Variants in LSAMP observed in about 807,000 individuals in gnomAD.
The protein encoded by LSAMP is limbic system associated membrane protein.
A neutral mutation model predicts 38.6 loss-of-function variants in LSAMP; 7 were observed. That is an observed-to-expected ratio of 0.18 (90% CI 0.10 to 0.34). The LOEUF (loss-of-function observed/expected upper bound fraction) is 0.34. Ranked by LOEUF, LSAMP falls within the 10% of genes least tolerant of loss-of-function variation. LSAMP has a pLI of 1.00. For missense variants in LSAMP, 313 were observed against 420.0 expected (o/e 0.75, Z 2.23); for synonymous variants, 154 against 166.8 (o/e 0.92, Z 0.59).
Position 116,133,332 on chromosome 3 carries a change from C to T in LSAMP, c.156-46776G>A, listed in dbSNP as rs541850512. On this transcript the variant is annotated intron_variant, in intron 1 of 6. Transcript: ENST00000490035. ...TGGAGATAGGATCTCACTCTGTCAC[C>T]CAGGCTGGAGTGCAGTGGCGTGATC... Among the ~76,000 whole-genome samples the T allele has an allele frequency of 7.9e-5, 12 of 151,794 alleles. No homozygotes were observed. In the South Asian group the frequency reaches 2.5e-3, roughly 32 times the overall value.
At chr3:116,442,612 T>C (rs1228899003) in intron 1 of LSAMP, among the ~76,000 whole-genome samples, 1 of 152,144 alleles carries the variant, frequency 6.6e-6, no homozygotes, top group African/African-American at 2.4e-5. Context: ...TTAATTCTGA[T>C]GAAGCTCCAC....
At chr3:115,924,985 C>T (rs1937466176) in intron 3 of LSAMP, among the ~76,000 whole-genome samples, 1 of 152,172 alleles carries the variant, frequency 6.6e-6, no homozygotes, top group Non-Finnish European at 1.5e-5. Context: ...CCAATACCCA[C>T]TCCACAATAC....
At chr3:116,352,366 A>G (rs779336291) in intron 1 of LSAMP, among the ~76,000 whole-genome samples, 5 of 152,080 alleles carry the variant, frequency 3.3e-5, no homozygotes, top group Admixed American at 2.6e-4. Flanking sequence ...TTGCCATTCA[A>G]CCCTAACTTA....
intron 1 of LSAMP, among the ~76,000 whole-genome samples, chr3:116,298,682 G>A (rs370566940): frequency 2.7e-4 from 41 of 152,148 alleles, no homozygotes; most frequent in African/African-American, 9.9e-4. Context: ...CTAATTTCAA[G>A]GCACAGTTTC....
intron 3 of LSAMP, among the ~76,000 whole-genome samples, chr3:115,995,849 T>C (rs1939800676): frequency 6.6e-6 from 1 of 152,044 alleles, no homozygotes; most frequent in Non-Finnish European, 1.5e-5. Flanking sequence ...GAAACTTGTA[T>C]ATATTAATAT....
intron 1 of LSAMP, among the ~76,000 whole-genome samples, chr3:116,350,623 AC>A (rs980569447): frequency 7.8e-6 from 1 of 128,224 alleles, no homozygotes; most frequent in Non-Finnish European, 1.6e-5. Flanking sequence ...ATGTCAAGGA[AC>A]CTTTTTTTTT....
At chr3:116,353,914 G>A (rs1199567102) in intron 1 of LSAMP, among the ~76,000 whole-genome samples, 1 of 152,074 alleles carries the variant, frequency 6.6e-6, no homozygotes, top group Non-Finnish European at 1.5e-5. Context: ...TTGTAGGAGA[G>A]CTTCTAAGAT....
intron 2 of LSAMP, among the ~76,000 whole-genome samples, chr3:116,058,450 T>C (rs1941530977): frequency 1.4e-5 from 2 of 139,154 alleles, no homozygotes; most frequent in South Asian, 2.2e-4. Context: ...GTTTCTGTAG[T>C]ATAAAATTTT....
chr3:116,357,995 A>C (rs1295398471), intron 1 of LSAMP, among the ~76,000 whole-genome samples: 1 of 152,088 alleles, frequency 6.6e-6, no homozygotes, highest in East Asian at 1.9e-4. Context: ...TTGGAGGCAG[A>C]AACTCATGAA....
At chr3:116,323,558 A>G (rs1920191) in intron 1 of LSAMP, among the ~76,000 whole-genome samples, 118,898 of 152,062 alleles carry the variant, frequency 0.78, 46,931 homozygotes, top group African/African-American at 0.87. Flanking sequence ...TGATAAGGAT[A>G]TTTCTGTACA....
intron 1 of LSAMP, among the ~76,000 whole-genome samples, chr3:116,386,711 G>A (rs2048630739): frequency 1.3e-5 from 2 of 152,134 alleles, no homozygotes; most frequent in South Asian, 2.1e-4. Context: ...GGGCTTAAGT[G>A]ACCCTCCTGC....
intron 1 of LSAMP, among the ~76,000 whole-genome samples, chr3:116,087,895 AT>A (rs113096762): frequency 0.029 from 4,112 of 139,462 alleles, 84 homozygotes; most frequent in African/African-American, 0.068. Flanking sequence ...TTAGAGGGAG[AT>A]TTTTTTTTTT....
chr3:116,420,672 A>T (rs775583929), intron 1 of LSAMP, among the ~76,000 whole-genome samples: 3 of 151,572 alleles, frequency 2.0e-5, no homozygotes, highest in Non-Finnish European at 4.4e-5. Flanking sequence ...GGAATTCGAG[A>T]CCAGCCTGGC....
intron 1 of LSAMP, among the ~76,000 whole-genome samples, chr3:116,371,767 ATCT>A (rs1306863571): frequency 1.3e-5 from 2 of 152,086 alleles, no homozygotes; most frequent in Non-Finnish European, 2.9e-5. Flanking sequence ...GAGATATATG[ATCT>A]TCTCTATAGA....
rs183015427 is a variant in LSAMP at position 116,379,589 on chromosome 3, C to T, written c.155+65288G>A. Reference sequence around the variant, plus strand: ...GAAGATTGCTCAGATCAAAATCTGTCGGGATCAAGTGGGCAGTTGGAATAG... The same window carrying T: ...GAAGATTGCTCAGATCAAAATCTGTTGGGATCAAGTGGGCAGTTGGAATAG... On this transcript the variant is annotated intron_variant, in intron 1 of 6. Transcript: ENST00000490035. 4.3e-3 allele frequency among the ~76,000 whole-genome samples: 659 copies of T among 151,986 alleles called. 5 individuals are homozygous for T. The highest frequency in any genetic ancestry group is 0.021 in the South Asian group (103 of 4,820).
At chr3:116,237,769 T>A (rs1250740929) in intron 1 of LSAMP, among the ~76,000 whole-genome samples, 1 of 152,198 alleles carries the variant, frequency 6.6e-6, no homozygotes, top group Non-Finnish European at 1.5e-5. Flanking sequence ...CATTCAACTC[T>A]GAAGTTCATG....
intron 1 of LSAMP, among the ~76,000 whole-genome samples, chr3:116,129,512 C>G (rs1709079036): frequency 6.6e-6 from 1 of 152,194 alleles, no homozygotes; most frequent in African/African-American, 2.4e-5. Context: ...ACAAAACACA[C>G]CACAGTTATG....
intron 6 of LSAMP, among the ~76,000 whole-genome samples, chr3:115,839,737 T>G (rs745718224): frequency 6.6e-6 from 1 of 152,214 alleles, no homozygotes; most frequent in East Asian, 1.9e-4. Context: ...GTAGTGCCTA[T>G]GTGGGACCAC....
intron 1 of LSAMP, among the ~76,000 whole-genome samples, chr3:116,332,222 AC>A (rs1325208519): frequency 6.6e-6 from 1 of 152,060 alleles, no homozygotes; most frequent in Non-Finnish European, 1.5e-5. Context: ...TATTATTGAA[AC>A]TTTGGTTTAT....
Sources: allele counts gnomAD v4.1 joint callset (sites outside exome capture counted in the v4.1 genomes callset), GRCh38; gene constraint gnomAD v4.1.1; transcripts MANE v1.5; gene names NCBI Gene and HGNC (gene_info 2026-07-23, HGNC 2026-07-21).